EPHA3: variants seen among roughly 807,000 people sequenced by gnomAD.
EPHA3 encodes the protein EPH receptor A3.
In EPHA3, 42 loss-of-function variants were observed where a neutral mutation model predicts 107.1. The ratio of observed to expected loss-of-function variants is 0.39; its 90% CI spans 0.31 to 0.51. The LOEUF (loss-of-function observed/expected upper bound fraction) is 0.51. Ranked by LOEUF, EPHA3 falls within the 20% of genes least tolerant of loss-of-function variation. The pLI, the probability that EPHA3 is intolerant of heterozygous loss-of-function variation, is 0.78. For synonymous variants in EPHA3, 461 were observed against 424.8 expected (o/e 1.09, Z -1.05); for missense variants, 1,183 against 1,211.2 (o/e 0.98, Z 0.35).
At chr3:89,473,117 G>T (rs547832121) in intron 16 of EPHA3, among the ~76,000 whole-genome samples, 1 of 152,228 alleles carries the variant, frequency 6.6e-6, no homozygotes, top group South Asian at 2.1e-4. Context: ...ATAACAACAT[G>T]TATTCATCAT....
chr3:89,408,280 G>T, intron 9 of EPHA3, 149 bp downstream of exon 9: 1 of 730,090 alleles, frequency 1.4e-6, no homozygotes, highest in Non-Finnish European at 2.3e-6. Flanking sequence ...TTTAGAAAAA[G>T]AGGGAAATTC....
intron 5 of EPHA3, among the ~76,000 whole-genome samples, chr3:89,344,823 A>G (rs1298097795): frequency 6.6e-6 from 1 of 152,170 alleles, no homozygotes. Context: ...TGATGATCAA[A>G]TGATAAGGCA....
rs148678331 is a variant in EPHA3 at position 89,452,863 on chromosome 3, G to A, written c.2690+2493G>A. ...CCATTTTGTGTTGATTATATTAAATGCACATTACCTGTTTTTTACATAATA... is the reference window on the plus strand; with the variant it reads ...CCATTTTGTGTTGATTATATTAAATACACATTACCTGTTTTTTACATAATA... On this transcript the variant is annotated intron_variant, in intron 15 of 16. Transcript: ENST00000336596. Among the ~76,000 whole-genome samples, 248 of 152,116 alleles carry A rather than the reference G, an allele frequency of 1.6e-3. 2 individuals are homozygous for A. Among genetic ancestry groups the A allele is most frequent in the Non-Finnish European group, 9.0e-4 (61 of 67,968 alleles).
intron 5 of EPHA3, among the ~76,000 whole-genome samples, chr3:89,369,069 G>A (rs79574058): frequency 0.041 from 6,121 of 150,416 alleles, 427 homozygotes; most frequent in African/African-American, 0.14. Flanking sequence ...CTATTGAAGC[G>A]TGTCATGGAA....
chr3:89,336,605 A>G (rs1358072678), intron 3 of EPHA3, among the ~76,000 whole-genome samples: 1 of 152,196 alleles, frequency 6.6e-6, no homozygotes, highest in Non-Finnish European at 1.5e-5. Flanking sequence ...GAGAATTGAG[A>G]TACTACTTGG....
intron 3 of EPHA3, among the ~76,000 whole-genome samples, chr3:89,262,706 G>C (rs1322850226): frequency 2.0e-5 from 3 of 152,344 alleles, no homozygotes; most frequent in Non-Finnish European, 4.4e-5. Flanking sequence ...GAGGGAGTGC[G>C]TAAGTGAACA....
chr3:89,394,506 A>G (rs934039483), intron 5 of EPHA3, among the ~76,000 whole-genome samples: 2 of 152,224 alleles, frequency 1.3e-5, no homozygotes, highest in Non-Finnish European at 2.9e-5. Context: ...GTTGATGGGA[A>G]ATATTGCAGT....
chr3:89,211,734 CTT>C lies in EPHA3; in HGVS notation c.814+1215_814+1216del, dbSNP rs1704096929. Among the ~76,000 whole-genome samples the C allele has an allele frequency of 8.8e-4, 9 of 10,240 alleles. No individual in the cohort carries two copies. In the East Asian group the frequency reaches 0.011, roughly 12 times the overall value. 6.7% of individuals were successfully genotyped at this position (10,240 alleles called of 152,430 possible). ...TCTTCCTCTTCTTCTTTTTCTTCTT[CTT>C]CTTCTCCTTCTTCTTCTTCTTCTTC... is the stretch of plus-strand genomic sequence containing the variant. On this transcript the variant is annotated intron_variant, in intron 3 of 16. Coordinates refer to ENST00000336596, the MANE Select transcript of EPHA3 (RefSeq NM_005233.6).
chr3:89,374,020 G>C (rs1008985571), intron 5 of EPHA3, among the ~76,000 whole-genome samples: 1 of 151,678 alleles, frequency 6.6e-6, no homozygotes, highest in African/African-American at 2.4e-5. Context: ...AAAAGGATTT[G>C]TTAAAAATGA....
chr3:89,246,012 G>A (rs1705022645), intron 3 of EPHA3, among the ~76,000 whole-genome samples: 1 of 152,144 alleles, frequency 6.6e-6, no homozygotes, highest in African/African-American at 2.4e-5. Flanking sequence ...TACTGAAATG[G>A]TAGACAAGTT....
intron 3 of EPHA3, among the ~76,000 whole-genome samples, chr3:89,306,153 C>A (rs1706615505): frequency 6.6e-6 from 1 of 151,972 alleles, no homozygotes; most frequent in African/African-American, 2.4e-5. Context: ...TAGTTTCTAC[C>A]ACGGTGGTAC....
chr3:89,256,369 G>C (rs1432601289), intron 3 of EPHA3, among the ~76,000 whole-genome samples: 3 of 151,466 alleles, frequency 2.0e-5, no homozygotes, highest in Non-Finnish European at 2.9e-5. Context: ...CAAGGAGTTC[G>C]AGACCAGCCT....
At chr3:89,281,975 A>C (rs1258106671) in intron 3 of EPHA3, among the ~76,000 whole-genome samples, 1 of 152,228 alleles carries the variant, frequency 6.6e-6, no homozygotes, top group African/African-American at 2.4e-5. Flanking sequence ...GTTTCAATTT[A>C]TCTGATAAAA....
At chr3:89,311,408 T>G (rs1296782039) in intron 3 of EPHA3, among the ~76,000 whole-genome samples, 1 of 152,026 alleles carries the variant, frequency 6.6e-6, no homozygotes, top group Admixed American at 6.6e-5. Flanking sequence ...AGTGAAACCA[T>G]GCAAACTTTG....
intron 5 of EPHA3, among the ~76,000 whole-genome samples, chr3:89,393,864 A>C (rs1310574665): frequency 2.0e-5 from 3 of 152,204 alleles, no homozygotes; most frequent in Non-Finnish European, 4.4e-5. Flanking sequence ...ATGAAGCTTC[A>C]ACTAAAGTAT....
intron 3 of EPHA3, among the ~76,000 whole-genome samples, chr3:89,274,391 T>C (rs1338186277): frequency 2.0e-5 from 3 of 151,990 alleles, no homozygotes; most frequent in African/African-American, 7.2e-5. Flanking sequence ...CACTCAAACA[T>C]TAACTGACTG....
chr3:89,441,232 G>A (rs1576379831), intron 13 of EPHA3, among the ~76,000 whole-genome samples: 2 of 152,172 alleles, frequency 1.3e-5, no homozygotes, highest in Non-Finnish European at 2.9e-5. Context: ...GCTATACATA[G>A]ATGAGAAGTC....
At chr3:89,325,491 A>T (rs1322386448) in intron 3 of EPHA3, among the ~76,000 whole-genome samples, 2 of 152,154 alleles carry the variant, frequency 1.3e-5, no homozygotes, top group East Asian at 3.9e-4. Flanking sequence ...AAAACAAGCC[A>T]CCTTAATATA....
At chr3:89,426,651 T>A (rs1363360212) in intron 11 of EPHA3, among the ~76,000 whole-genome samples, 2 of 151,794 alleles carry the variant, frequency 1.3e-5, no homozygotes, top group Non-Finnish European at 2.9e-5. Context: ...GTCATAAGGC[T>A]GGGAGCCAGA....
Sources: gnomAD v4.1 joint callset for allele counts (sites outside exome capture counted in the v4.1 genomes callset) on GRCh38, gnomAD v4.1.1 for gene constraint, MANE v1.5 for transcripts, NCBI Gene and HGNC (gene_info 2026-07-23, HGNC 2026-07-21) for gene names.